The following PIK3CA variants were observed in gnomAD, a reference collection of about 807,000 sequenced individuals.
The protein encoded by PIK3CA is phosphatidylinositol-4,5-bisphosphate 3-kinase catalytic subunit alpha.
Under a neutral mutation model 138.2 loss-of-function variants are expected in PIK3CA, and 27 were observed. The observed-to-expected ratio is 0.20, with a 90% CI of 0.14 to 0.27. The LOEUF (loss-of-function observed/expected upper bound fraction) is 0.27. PIK3CA is among the 10% of genes least tolerant of loss of function. PIK3CA has a pLI of 1.00. For synonymous variants in PIK3CA, 358 were observed against 413.2 expected, an observed-to-expected ratio of 0.87 and a Z score of 1.62; for missense variants, 544 against 1,277.4, an observed-to-expected ratio of 0.43 and a Z score of 8.75.
chr3:179,220,908 A>T lies in PIK3CA; in HGVS notation c.2016-78A>T, dbSNP rs1337603160. The T allele has an allele frequency of 1.3e-6, 1 of 784,240 alleles. No homozygotes were observed. Among genetic ancestry groups the T allele is most frequent in the Non-Finnish European group, 1.8e-6 (1 of 544,272 alleles). The allele number at this position is 784,240 out of a possible 1,614,324, so 48.6% of individuals were successfully genotyped here. ...TATTGGATTTCAAAAATGAGTGTTT[A>T]AATTGTTTAGCAAAGATTATTTGTA... On this transcript the variant is annotated intron_variant, in intron 13 of 20. Transcript: ENST00000263967. This position sits in a 1 kb window ranked among gnomAD's most constrained non-coding sequence, Gnocchi z 4.1.
intron 1 of PIK3CA, among the ~76,000 whole-genome samples, chr3:179,173,341 G>A (rs1046557686): frequency 4.7e-5 from 7 of 147,522 alleles, no homozygotes; most frequent in Admixed American, 6.8e-5. Context: ...GGTTGATCAC[G>A]AGGTCAGGAG....
At chr3:179,164,172 CAAAG>C (rs1424628056) in intron 1 of PIK3CA, among the ~76,000 whole-genome samples, 2 of 151,842 alleles carry the variant, frequency 1.3e-5, no homozygotes, top group Admixed American at 1.3e-4. Context: ...CTATAGAAAA[CAAAG>C]AAATAAACCA....
chr3:179,226,123 C>T (rs950896738), intron 17 of PIK3CA, 83 bp downstream of exon 17: 18 of 719,634 alleles, frequency 2.5e-5, no homozygotes, highest in African/African-American at 1.1e-4. Context: ...CATATAGAGG[C>T]ATATGTCTAA....
intron 4 of PIK3CA, among the ~76,000 whole-genome samples, chr3:179,202,371 A>G (rs762548530): frequency 2.6e-5 from 4 of 152,112 alleles, no homozygotes; most frequent in African/African-American, 4.8e-5. Context: ...CGCCCAGCCT[A>G]TTTCGTGATT....
At chr3:179,215,800 A>G (rs1724823684) in intron 9 of PIK3CA, among the ~76,000 whole-genome samples, 1 of 152,220 alleles carries the variant, frequency 6.6e-6, no homozygotes, top group South Asian at 2.1e-4. Flanking sequence ...AAAACTGACC[A>G]AGGAAGATAT....
chr3:179,204,428 A>AT, intron 5 of PIK3CA, 75 bp from the exon 6 acceptor site: 1 of 671,320 alleles, frequency 1.5e-6, no homozygotes, highest in Non-Finnish European at 2.6e-6. Flanking sequence ...GTGGTTTTAT[A>AT]TTTGAGTCTA....
At chr3:179,156,849 G>A (rs1405032644) in intron 1 of PIK3CA, among the ~76,000 whole-genome samples, 1 of 152,118 alleles carries the variant, frequency 6.6e-6, no homozygotes, top group Admixed American at 6.6e-5. Context: ...CTTATGGCAG[G>A]TCTAGACCTG....
At chr3:179,174,029 G>A (rs918590796) in intron 1 of PIK3CA, among the ~76,000 whole-genome samples, 1 of 151,864 alleles carries the variant, frequency 6.6e-6, no homozygotes, top group Non-Finnish European at 1.5e-5. Flanking sequence ...CGCCCGGCCC[G>A]GAAGTGTTTT....
chr3:179,187,783 G>A (rs1000044043), intron 1 of PIK3CA, among the ~76,000 whole-genome samples: 10 of 151,070 alleles, frequency 6.6e-5, no homozygotes, highest in Non-Finnish European at 1.2e-4. Context: ...GACTACAGGC[G>A]CCCGCCACCA....
chr3:179,170,100 G>T (rs940761649), intron 1 of PIK3CA, among the ~76,000 whole-genome samples: 2 of 111,334 alleles, frequency 1.8e-5, no homozygotes, highest in Admixed American at 9.1e-5. Context: ...ACACACACAC[G>T]ACCTTAGTAA....
intron 1 of PIK3CA, among the ~76,000 whole-genome samples, chr3:179,192,236 G>A (rs778575057): frequency 5.3e-5 from 8 of 152,206 alleles, no homozygotes; most frequent in Non-Finnish European, 1.2e-4. Flanking sequence ...AATTATGGTT[G>A]AAGGAATTGG....
rs199693043 is a variant in PIK3CA at position 179,225,963 on chromosome 3, T to C, written c.2418T>C (p.Asp806=). 24 of 1,539,106 alleles carry C rather than the reference T, an allele frequency of 1.6e-5. No individual in the cohort carries two copies. Among genetic ancestry groups the C allele is most frequent in the Admixed American group, 3.4e-5 (2 of 59,394 alleles). ...TGATACATATTATTTGAATTTCAGATTTACGGCAAGATATGCTAACACTTC... is the reference window on the plus strand; with the variant it reads ...TGATACATATTATTTGAATTTCAGACTTACGGCAAGATATGCTAACACTTC... ...NNEIIFKNGD[D]LRQDMLTLQI... is the part of the protein sequence containing the mutation. The change falls in exon 17 of 21, where the codon GAT becomes GAC. Residue 806 remains aspartate (D), a splice_region_variant and synonymous_variant. Transcript: ENST00000263967.
intron 16 of PIK3CA, 46 bp downstream of exon 16, chr3:179,224,867 CT>C: frequency 2.9e-6 from 4 of 1,385,482 alleles, no homozygotes; most frequent in Non-Finnish European, 3.0e-6. Flanking sequence ...ATTTAGCTAT[CT>C]TTTTATACAC....
chr3:179,231,123 C>T (rs1336955357), intron 20 of PIK3CA, among the ~76,000 whole-genome samples: 1 of 152,126 alleles, frequency 6.6e-6, no homozygotes, highest in Non-Finnish European at 1.5e-5. Flanking sequence ...CCAGTTGCTG[C>T]AAAAGACATT....
At chr3:179,218,895 G>A (rs1724902905) in intron 10 of PIK3CA, among the ~76,000 whole-genome samples, 1 of 151,940 alleles carries the variant, frequency 6.6e-6, no homozygotes, top group Non-Finnish European at 1.5e-5. Context: ...AAAAATATGA[G>A]CTATATGAAG....
intron 1 of PIK3CA, among the ~76,000 whole-genome samples, chr3:179,189,319 TTCTC>T (rs1199345960): frequency 6.6e-6 from 1 of 152,236 alleles, no homozygotes; most frequent in East Asian, 1.9e-4. Context: ...TTAGGATTGT[TTCTC>T]TCTTCATGTA....
intron 7 of PIK3CA, 64 bp downstream of exon 7, chr3:179,209,764 G>C: frequency 1.2e-6 from 1 of 829,698 alleles, no homozygotes; most frequent in Non-Finnish European, 1.9e-6. Flanking sequence ...ACCGCTGATT[G>C]AATTTTTTCA....
intron 1 of PIK3CA, among the ~76,000 whole-genome samples, chr3:179,169,526 A>C (rs542680875): frequency 6.6e-6 from 1 of 152,014 alleles, no homozygotes; most frequent in African/African-American, 2.4e-5. Context: ...ATTTTTTTTC[A>C]GTTCACGTGA....
chr3:179,175,400 C>G (rs2108365832), intron 1 of PIK3CA, among the ~76,000 whole-genome samples: 1 of 152,232 alleles, frequency 6.6e-6, no homozygotes, highest in South Asian at 2.1e-4. Context: ...TTCTCTCTGT[C>G]TGGAAGTGAT....
Sources: gnomAD v4.1 joint callset for allele counts (sites outside exome capture counted in the v4.1 genomes callset) on GRCh38, gnomAD v4.1.1 for gene constraint, Gnocchi (gnomAD v3.1) non-coding constraint, MANE v1.5 for transcripts, NCBI Gene and HGNC (gene_info 2026-07-23, HGNC 2026-07-21) for gene names.